Variants in PXDNL observed in about 807,000 individuals in gnomAD.
The protein encoded by PXDNL is probable oxidoreductase PXDNL.
PXDNL carries 145 observed loss-of-function variants against 150.8 expected under a neutral mutation model. That is an observed-to-expected ratio of 0.96 (90% confidence interval 0.84 to 1.10). The LOEUF is 1.10. Among genes scored for constraint, PXDNL ranks in the 50% least tolerant of loss-of-function variants. The pLI, the probability that PXDNL is intolerant of heterozygous loss-of-function variation, is 0.00. For missense variants in PXDNL, 2,087 were observed against 1,873.9 expected (o/e 1.11, Z -2.10); for synonymous variants, 757 against 725.7 (o/e 1.04, Z -0.69).
chr8:51,432,628 G>A (rs965213839), intron 12 of PXDNL, among the ~76,000 whole-genome samples: 3 of 152,214 alleles, frequency 2.0e-5, no homozygotes, highest in African/African-American at 7.2e-5. Flanking sequence ...ATTTTAAGGA[G>A]CTTTGCTTTT....
chr8:51,492,734 G>A (rs551202641), intron 5 of PXDNL, among the ~76,000 whole-genome samples: 1 of 152,166 alleles, frequency 6.6e-6, no homozygotes, highest in East Asian at 1.9e-4. Flanking sequence ...GAGGCTGGGG[G>A]AGGGGCGCCT....
intron 1 of PXDNL, among the ~76,000 whole-genome samples, chr8:51,804,065 C>T (rs1313366608): frequency 6.6e-6 from 1 of 152,194 alleles, no homozygotes. Flanking sequence ...GTCCTGATGA[C>T]ATGATAGAGC....
intron 4 of PXDNL, among the ~76,000 whole-genome samples, chr8:51,553,263 C>T (rs1297828268): frequency 6.6e-6 from 1 of 152,178 alleles, no homozygotes; most frequent in Non-Finnish European, 1.5e-5. Flanking sequence ...ACATTGCACA[C>T]TGGCAGCTCA....
chr8:51,414,330 T>C (rs566727871), intron 14 of PXDNL, among the ~76,000 whole-genome samples: 20 of 152,042 alleles, frequency 1.3e-4, no homozygotes, highest in African/African-American at 4.6e-4. Context: ...AATTCCTGTA[T>C]ATTATGACCA....
Position 51,319,647 on chromosome 8 carries a change from A to G in PXDNL, c.*244T>C, listed in dbSNP as rs557396651. On this transcript the variant is annotated 3_prime_UTR_variant, in exon 23 of 23. Transcript: ENST00000356297. The stretch of plus-strand genomic sequence containing the variant: ...CATATAAAACTGACAGCTTACAGTA[A>G]GAAATATTTCTTATGATCAAACACT... 35 of 259,838 alleles carry G rather than the reference A, an allele frequency of 1.3e-4. No homozygotes were observed. The highest frequency in any genetic ancestry group is 7.5e-4 in the African/African-American group (34 of 45,172). 16.1% of individuals were successfully genotyped at this position (259,838 alleles called of 1,614,324 possible). A position where few individuals can be genotyped will look rare whatever the true frequency, so the allele number is the denominator to read the frequency against.
chr8:51,601,638 A>G (rs1813723521), intron 2 of PXDNL, among the ~76,000 whole-genome samples: 2 of 152,054 alleles, frequency 1.3e-5, no homozygotes, highest in Non-Finnish European at 2.9e-5. Flanking sequence ...TCTTGAAGAC[A>G]GTAAATAGAT....
intron 1 of PXDNL, among the ~76,000 whole-genome samples, chr8:51,796,042 G>A (rs1437858979): frequency 6.6e-6 from 1 of 152,140 alleles, no homozygotes; most frequent in Non-Finnish European, 1.5e-5. Flanking sequence ...GTAAGGATCA[G>A]GTTGCCTTCA....
intron 4 of PXDNL, among the ~76,000 whole-genome samples, chr8:51,534,027 T>C (rs1312773065): frequency 7.2e-5 from 10 of 139,430 alleles, no homozygotes; most frequent in Admixed American, 4.8e-4. Context: ...CGCCATCCCA[T>C]CTAGGAAGCG....
At chr8:51,320,700 C>A in intron 22 of PXDNL, 84 bp downstream of exon 22, 2 of 938,558 alleles carry the variant, frequency 2.1e-6, no homozygotes, top group East Asian at 2.4e-5. Context: ...TATATTTTTT[C>A]TCCTTTTGAA....
rs770317182 is a variant in PXDNL, at chr8:51,563,239, T to C, written c.309-6328A>G. Among the ~76,000 whole-genome samples, 8 of 152,020 alleles carry C rather than the reference T, an allele frequency of 5.3e-5. No individual in the cohort carries two copies. The South Asian group carries it at 1.2e-3, about 24-fold the overall frequency. On this transcript the variant is annotated intron_variant, in intron 3 of 22. Coordinates refer to ENST00000356297, the MANE Select transcript of PXDNL (RefSeq NM_144651.5). ...ATAGCAATTTATATGCTAACAGTTC[T>C]AGAGGCTGCAAAGTCCAAGATCAAG...
chr8:51,393,552 G>A (rs1379546120), intron 17 of PXDNL, among the ~76,000 whole-genome samples: 1 of 152,226 alleles, frequency 6.6e-6, no homozygotes, highest in South Asian at 2.1e-4. Context: ...ACAAACATTG[G>A]CAGTTGCGTA....
At chr8:51,541,824 T>G (rs1386528640) in intron 4 of PXDNL, among the ~76,000 whole-genome samples, 1 of 152,002 alleles carries the variant, frequency 6.6e-6, no homozygotes, top group African/African-American at 2.4e-5. Context: ...CCTTCCCTCA[T>G]GGACCACAGC....
intron 1 of PXDNL, among the ~76,000 whole-genome samples, chr8:51,739,788 A>C (rs1408207196): frequency 2.6e-5 from 4 of 151,264 alleles, no homozygotes; most frequent in Non-Finnish European, 5.9e-5. Context: ...AGGCAGGAGA[A>C]TGGCGTGAAC....
intron 1 of PXDNL, among the ~76,000 whole-genome samples, chr8:51,731,532 G>T (rs1433255225): frequency 1.3e-5 from 2 of 152,238 alleles, no homozygotes; most frequent in Non-Finnish European, 2.9e-5. Flanking sequence ...CCATTTTGGG[G>T]TCCGGAGGAC....
intron 4 of PXDNL, among the ~76,000 whole-genome samples, chr8:51,549,837 C>G (rs1451785412): frequency 6.6e-6 from 1 of 151,920 alleles, no homozygotes; most frequent in Non-Finnish European, 1.5e-5. Flanking sequence ...ATGATCAGAG[C>G]AGAACTAAAT....
chr8:51,324,308 A>G (rs1327755405), intron 21 of PXDNL, among the ~76,000 whole-genome samples: 1 of 152,034 alleles, frequency 6.6e-6, no homozygotes, highest in East Asian at 1.9e-4. Context: ...AACTTCCAGC[A>G]TTAGGTTGAA....
chr8:51,566,418 C>G (rs946574155), intron 3 of PXDNL, among the ~76,000 whole-genome samples: 1 of 151,656 alleles, frequency 6.6e-6, no homozygotes, highest in African/African-American at 2.4e-5. Flanking sequence ...TCATCTGAAT[C>G]TGGTGCTTTC....
chr8:51,443,709 TAGA>T (rs1181730698), intron 12 of PXDNL, among the ~76,000 whole-genome samples: 1 of 152,224 alleles, frequency 6.6e-6, no homozygotes, highest in Non-Finnish European at 1.5e-5. Context: ...ATCTCAGTAG[TAGA>T]AGAACTGCTT....
At chr8:51,452,712 T>C (rs1809832123) in intron 10 of PXDNL, among the ~76,000 whole-genome samples, 1 of 152,164 alleles carries the variant, frequency 6.6e-6, no homozygotes, top group African/African-American at 2.4e-5. Flanking sequence ...AATCTTAAAA[T>C]AATGAAACTT....
Sources: gnomAD v4.1 joint callset for allele counts (sites outside exome capture counted in the v4.1 genomes callset) on GRCh38, gnomAD v4.1.1 for gene constraint, MANE v1.5 for transcripts, NCBI Gene and HGNC (gene_info 2026-07-23, HGNC 2026-07-21) for gene names.